Variants in FGF13 observed in about 807,000 individuals in gnomAD.
FGF13 encodes fibroblast growth factor 13, also known as fibroblast growth factor homologous factor 2.
Under a neutral mutation model 19.5 loss-of-function variants are expected in FGF13, and 2 were observed. The ratio of observed to expected loss-of-function variants is 0.10; its 90% CI spans 0.04 to 0.32. The LOEUF (loss-of-function observed/expected upper bound fraction) is 0.32. FGF13 is among the 10% of genes least tolerant of loss of function. The pLI is 1.00. For synonymous variants in FGF13, 72 were observed against 76.9 expected (o/e 0.94, Z 0.33); for missense variants, 113 against 192.7 (o/e 0.59, Z 2.45).
intron 1 of FGF13, among the ~76,000 whole-genome samples, chrX:139,023,355 AT>A (rs1337224131): frequency 9.0e-6 from 1 of 111,417 alleles, no homozygotes; most frequent in African/African-American, 3.3e-5. Context: ...CTTCTTTAGA[AT>A]TTTTCAGCCA....
intron 1 of FGF13, among the ~76,000 whole-genome samples, chrX:139,121,684 C>T (rs780174686): frequency 9.0e-6 from 1 of 111,149 alleles, no homozygotes; most frequent in East Asian, 2.8e-4. Context: ...TGAGTCACCA[C>T]CCCAAACTGA....
chrX:138,986,079 T>C (rs1173149559), intron 1 of FGF13, among the ~76,000 whole-genome samples: 2 of 112,024 alleles, frequency 1.8e-5, no homozygotes, highest in Admixed American at 9.5e-5. Context: ...ATTACACTCA[T>C]TTGACAGATG....
At chrX:138,664,014 CTA>C (rs1390330968) in intron 3 of FGF13, among the ~76,000 whole-genome samples, 2 of 111,673 alleles carry the variant, frequency 1.8e-5, no homozygotes, top group East Asian at 2.8e-4. Flanking sequence ...ATCTACTAGT[CTA>C]AATTAGGTTT....
At chrX:138,723,719 G>A (rs188895173) in intron 1 of FGF13, among the ~76,000 whole-genome samples, 4 of 111,890 alleles carry the variant, frequency 3.6e-5, no homozygotes, top group African/African-American at 9.7e-5. Context: ...AGAAGGGAAC[G>A]TTACAATTCA....
At chrX:139,141,085 A>G (rs1474762628) in intron 1 of FGF13, among the ~76,000 whole-genome samples, 1 of 101,754 alleles carries the variant, frequency 9.8e-6, no homozygotes, top group African/African-American at 3.9e-5. Flanking sequence ...AGATAGATAG[A>G]TAGATAGATA....
chrX:139,028,708 TGAGAGA>T (rs34899745), intron 1 of FGF13, among the ~76,000 whole-genome samples: 2 of 60,389 alleles, frequency 3.3e-5, no homozygotes, highest in African/African-American at 4.9e-5. Context: ...TGTGTGTGTG[TGAGAGA>T]GAGAGAGAGC....
intron 1 of FGF13, among the ~76,000 whole-genome samples, chrX:139,110,830 G>T (rs776879832): frequency 8.9e-4 from 99 of 111,419 alleles, no homozygotes; most frequent in African/African-American, 3.1e-3. Flanking sequence ...CAGTAGCAGT[G>T]GTGGTGGCTT....
chrX:138,760,581 C>T (rs766901145), intron 3 of FGF13, among the ~76,000 whole-genome samples: 5 of 111,841 alleles, frequency 4.5e-5, no homozygotes, highest in Non-Finnish European at 9.4e-5. Context: ...CAATTAGTTG[C>T]AAGTTAGAAG....
intron 1 of FGF13, among the ~76,000 whole-genome samples, chrX:139,151,708 G>A (rs1603223018): frequency 8.9e-6 from 1 of 112,058 alleles, no homozygotes; most frequent in East Asian, 2.8e-4. Context: ...ATTTTTATAT[G>A]TAGTTGATAC....
At chrX:138,979,415 A>ATAT (rs1265437846) in intron 1 of FGF13, among the ~76,000 whole-genome samples, 2 of 107,959 alleles carry the variant, frequency 1.9e-5, no homozygotes, top group Non-Finnish European at 3.8e-5. Flanking sequence ...TTTTTTTTTT[A>ATAT]TATTATTATT....
intron 3 of FGF13, among the ~76,000 whole-genome samples, chrX:138,672,287 C>A (rs2089621985): frequency 9.0e-6 from 1 of 111,276 alleles, no homozygotes; most frequent in African/African-American, 3.3e-5. Flanking sequence ...AGTGGGGAGG[C>A]ATAAGGATGG....
intron 3 of FGF13, among the ~76,000 whole-genome samples, chrX:138,850,496 A>C (rs1265297180): frequency 8.9e-6 from 1 of 111,815 alleles, no homozygotes; most frequent in Non-Finnish European, 1.9e-5. Context: ...CAAGGCCACC[A>C]GATTTCTGGC....
chrX:138,952,830 C>T (rs1204167354), intron 1 of FGF13, among the ~76,000 whole-genome samples: 6 of 111,253 alleles, frequency 5.4e-5, no homozygotes, highest in Admixed American at 4.7e-4. Context: ...TGAAAAAATG[C>T]TCATCATCAC....
At chrX:138,928,613 G>A (rs189949326) in intron 1 of FGF13, among the ~76,000 whole-genome samples, 4 of 111,126 alleles carry the variant, frequency 3.6e-5, no homozygotes, top group Admixed American at 2.9e-4. Flanking sequence ...TACAGCAAAA[G>A]AGTAATAAAC....
chrX:138,652,152 A>T (rs1243305545), intron 3 of FGF13, among the ~76,000 whole-genome samples: 1 of 111,019 alleles, frequency 9.0e-6, no homozygotes, highest in Non-Finnish European at 1.9e-5. Context: ...TAATATGCTA[A>T]GCATATCCCC....
chrX:138,875,265 G>C (rs192964512), intron 1 of FGF13, among the ~76,000 whole-genome samples: 184 of 106,938 alleles, frequency 1.7e-3, no homozygotes, highest in African/African-American at 5.7e-3. Flanking sequence ...AGAAAAGAAA[G>C]AAAGTGCAGC....
chrX:138,715,910 G>A (rs1281289529), upstream of FGF13: 1 of 112,080 alleles, frequency 8.9e-6, no homozygotes, highest in Non-Finnish European at 1.9e-5. Context: ...GAGCTGTAAG[G>A]AAGCTGAGGG....
At chrX:138,683,750 T>A (rs2089752274) in intron 3 of FGF13, among the ~76,000 whole-genome samples, 1 of 111,758 alleles carries the variant, frequency 8.9e-6, no homozygotes, top group East Asian at 2.8e-4. Flanking sequence ...ATTCATTTGT[T>A]ATATGAGTCA....
At chrX:138,755,163 A>G (rs141876728) in intron 3 of FGF13, among the ~76,000 whole-genome samples, 30 of 112,098 alleles carry the variant, frequency 2.7e-4, no homozygotes, top group Non-Finnish European at 5.6e-4. Context: ...GATTCAATCT[A>G]GACAGTAAGT....
Sources: allele counts gnomAD v4.1 joint callset (sites outside exome capture counted in the v4.1 genomes callset), GRCh38; gene constraint gnomAD v4.1.1; transcripts MANE v1.5; gene names NCBI Gene and HGNC (gene_info 2026-07-23, HGNC 2026-07-21).